Variants in TFCP2 observed in about 807,000 individuals in gnomAD.
TFCP2 encodes alpha-globin transcription factor CP2.
A neutral mutation model predicts 73.4 loss-of-function variants in TFCP2; 33 were observed. The observed-to-expected ratio is 0.45, with a 90% CI of 0.34 to 0.60. TFCP2 has a LOEUF of 0.60. Among genes scored for constraint, TFCP2 ranks in the 20% least tolerant of loss-of-function variants. The pLI, the probability that TFCP2 is intolerant of heterozygous loss-of-function variation, is 0.01. For synonymous variants in TFCP2, 193 were observed against 211.6 expected, an observed-to-expected ratio of 0.91 and a Z score of 0.76; for missense variants, 352 against 604.0, an observed-to-expected ratio of 0.58 and a Z score of 4.37.
At chr12:51,171,238 T>C (rs1941854158) in intron 1 of TFCP2, among the ~76,000 whole-genome samples, 1 of 152,196 alleles carries the variant, frequency 6.6e-6, no homozygotes, top group Non-Finnish European at 1.5e-5. Context: ...CATCTACCCC[T>C]AAGATGCAGC....
At chr12:51,145,308 G>C (rs11613085) in intron 1 of TFCP2, among the ~76,000 whole-genome samples, 82,201 of 150,570 alleles carry the variant, frequency 0.55, 24,277 homozygotes, top group Non-Finnish European at 0.67. Flanking sequence ...CTTGAACCTG[G>C]GGGGTGGAAG....
At chr12:51,097,479 C>T (rs1939992439) in intron 13 of TFCP2, among the ~76,000 whole-genome samples, 1 of 151,976 alleles carries the variant, frequency 6.6e-6, no homozygotes. Context: ...AACTTCTGAC[C>T]TTGTGATCCA....
intron 1 of TFCP2, among the ~76,000 whole-genome samples, chr12:51,142,533 T>C (rs1458001519): frequency 1.3e-5 from 2 of 152,172 alleles, no homozygotes; most frequent in Non-Finnish European, 2.9e-5. Flanking sequence ...GAAGGCTAAG[T>C]TCCTCCTCCT....
chr12:51,163,874 G>A (rs1460533101), intron 1 of TFCP2, among the ~76,000 whole-genome samples: 1 of 151,856 alleles, frequency 6.6e-6, no homozygotes, highest in African/African-American at 2.4e-5. Context: ...CCAAAGGGAG[G>A]GAATAACAAT....
intron 1 of TFCP2, among the ~76,000 whole-genome samples, chr12:51,158,424 T>C (rs1414645832): frequency 1.3e-5 from 2 of 152,214 alleles, no homozygotes; most frequent in South Asian, 4.1e-4. Context: ...GCATACATAA[T>C]GACTTCTTAA....
At chr12:51,101,034 T>C (rs1347848048) in intron 11 of TFCP2, among the ~76,000 whole-genome samples, 2 of 152,210 alleles carry the variant, frequency 1.3e-5, no homozygotes, top group Admixed American at 6.5e-5. Context: ...CCGGGTGCGG[T>C]GGCTCACGCC....
chr12:51,168,285 G>A (rs1212303442), intron 1 of TFCP2, among the ~76,000 whole-genome samples: 2 of 151,926 alleles, frequency 1.3e-5, no homozygotes, highest in African/African-American at 4.8e-5. Context: ...ACCCCCAGGT[G>A]CACTCCAGCC....
At chr12:51,165,610 A>G (rs969991826) in intron 1 of TFCP2, among the ~76,000 whole-genome samples, 11 of 152,242 alleles carry the variant, frequency 7.2e-5, no homozygotes, top group African/African-American at 2.6e-4. Flanking sequence ...GTGGGGGGAG[A>G]TGGGAAGTTA....
chr12:51,099,574 G>T, intron 12 of TFCP2, 81 bp downstream of exon 12: 1 of 1,530,014 alleles, frequency 6.5e-7, no homozygotes, highest in Non-Finnish European at 8.9e-7. Context: ...TCTGCTGTTT[G>T]ATAGTTTCCC....
chr12:51,102,252 G>A (rs1201090293), intron 10 of TFCP2, among the ~76,000 whole-genome samples: 4 of 152,036 alleles, frequency 2.6e-5, no homozygotes, highest in African/African-American at 9.7e-5. Context: ...TACTGATGAT[G>A]TCTAATGAGC....
At position 51,101,963 on chromosome 12, in the gene TFCP2, T is replaced by A. The variant is rs1164034623; in HGVS notation, c.1123A>T (p.Ile375Phe). The A allele has an allele frequency of 1.2e-6, 2 of 1,613,162 alleles. No homozygotes were observed. Among genetic ancestry groups the A allele is most frequent in the Non-Finnish European group, 1.7e-6 (2 of 1,179,246 alleles). Residue 375 changes from isoleucine to phenylalanine, a missense_variant, in exon 11 of 15, where the codon ATC becomes TTC. Around this residue, in one of 6 missense-constraint regions of TFCP2, gnomAD observed 194 missense variants for 256.3 expected, o/e 0.76. Transcript: ENST00000257915. Reference sequence around the variant, plus strand: ...CCTTTTAATGCATTAAAAAGTCTGATTCCATCTGCAGGGCCACAGATTTGG... The same window carrying A: ...CCTTTTAATGCATTAAAAAGTCTGAATCCATCTGCAGGGCCACAGATTTGG... ...VIQICGPADG[I>F]RLFNALKGRM...
chr12:51,171,148 T>C (rs1359946179), intron 1 of TFCP2, among the ~76,000 whole-genome samples: 1 of 152,122 alleles, frequency 6.6e-6, no homozygotes, highest in Non-Finnish European at 1.5e-5. Context: ...ATAAACCCAA[T>C]GAAAATGTTA....
At chr12:51,121,721 C>T (rs1940679758) in intron 1 of TFCP2, among the ~76,000 whole-genome samples, 1 of 151,970 alleles carries the variant, frequency 6.6e-6, no homozygotes, top group Admixed American at 6.6e-5. Context: ...CCACCTCAGC[C>T]TCCCAAAGTA....
intron 6 of TFCP2, among the ~76,000 whole-genome samples, chr12:51,107,806 A>G (rs371468823): frequency 1.3e-5 from 2 of 151,772 alleles, no homozygotes; most frequent in African/African-American, 4.8e-5. Flanking sequence ...GGGTTTCACC[A>G]TTTTGGTCAG....
At chr12:51,157,534 T>C (rs1172010056) in intron 1 of TFCP2, among the ~76,000 whole-genome samples, 1 of 152,112 alleles carries the variant, frequency 6.6e-6, no homozygotes, top group Non-Finnish European at 1.5e-5. Context: ...GCTCAAGTGA[T>C]ACTCCCATTT....
chr12:51,114,802 G>T (rs1277936998), intron 4 of TFCP2, among the ~76,000 whole-genome samples: 5 of 151,034 alleles, frequency 3.3e-5, no homozygotes. Context: ...GGTGGCTCAC[G>T]CTTGTAATCC....
chr12:51,137,580 A>T (rs1941088768), intron 1 of TFCP2, among the ~76,000 whole-genome samples: 2 of 152,186 alleles, frequency 1.3e-5, no homozygotes, highest in Admixed American at 1.3e-4. Flanking sequence ...TCATTAAAAC[A>T]CTGCTAATTG....
chr12:51,098,674 T>C, intron 13 of TFCP2, 102 bp downstream of exon 13: 6 of 1,343,544 alleles, frequency 4.5e-6, no homozygotes, highest in Admixed American at 2.3e-5. Flanking sequence ...TGAAACCCTC[T>C]GATCTAGAAA....
intron 13 of TFCP2, 90 bp downstream of exon 13, chr12:51,098,686 C>G: frequency 2.1e-6 from 3 of 1,435,808 alleles, no homozygotes; most frequent in African/African-American, 2.9e-5. Flanking sequence ...ATCTAGAAAA[C>G]AGAACACTCT....
Sources: allele counts gnomAD v4.1 joint callset (sites outside exome capture counted in the v4.1 genomes callset), GRCh38; gene constraint gnomAD v4.1.1; regional missense constraint gnomAD v4.1.1; transcripts MANE v1.5; gene names NCBI Gene and HGNC (gene_info 2026-07-23, HGNC 2026-07-21).